Variants in GFPT2 observed in about 807,000 individuals in gnomAD.
GFPT2 encodes glutamine--fructose-6-phosphate aminotransferase [isomerizing] 2.
GFPT2 carries 62 observed loss-of-function variants against 85.6 expected under a neutral mutation model. That is an observed-to-expected ratio of 0.72 (90% CI 0.59 to 0.90). The LOEUF (loss-of-function observed/expected upper bound fraction) is 0.90, where lower values mean the gene tolerates loss of function less well. Among genes scored for constraint, GFPT2 ranks in the 40% least tolerant of loss-of-function variants. The pLI, the probability that GFPT2 is intolerant of heterozygous loss-of-function variation, is 0.00. For synonymous variants in GFPT2, 368 were observed against 344.5 expected (o/e 1.07, Z -0.75); for missense variants, 788 against 893.4 (o/e 0.88, Z 1.50).
rs965333781 is a variant in GFPT2, at chr5:180,323,945, G to A, written c.794+243C>T. ...TAACCCATTCATTTTGTGCAGGCTC[G>A]AAGCACTGTGCCCACCAGTGCATCT... On this transcript the variant is annotated intron_variant, in intron 9 of 18. Coordinates refer to ENST00000253778, the MANE Select transcript of GFPT2 (RefSeq NM_005110.4). This position sits in a 1 kb window ranked among gnomAD's most constrained non-coding sequence, Gnocchi z 4.0. 2.0e-5 allele frequency among the ~76,000 whole-genome samples: 3 copies of A among 152,200 alleles called. No homozygotes were observed. Among genetic ancestry groups the A allele is most frequent in the South Asian group, 2.1e-4 (1 of 4,834 alleles).
Position 180,324,873 on chromosome 5 carries a change from C to G in GFPT2, c.619G>C (p.Gly207Arg). The change falls in exon 8 of 19, where the codon GGA (glycine) becomes CGA (arginine). Residue 207 changes from glycine to arginine, a missense_variant. By Grantham distance (125) the Gly-to-Arg change is moderately radical (BLOSUM62 -2). Transcript: ENST00000253778. ...GAGAGCTTGTATTTGCTCCGGACTCCGATGAGCAGGGGGCTGCCTCTCCTG... is the reference window on the plus strand; with the variant it reads ...GAGAGCTTGTATTTGCTCCGGACTCGGATGAGCAGGGGGCTGCCTCTCCTG... ...ATRRGSPLLI[G>R]VRSKYKLSTE... is the part of the protein sequence containing the mutation. 6.2e-7 allele frequency: 1 copy of G among 1,611,160 alleles called. No individual in the cohort carries two copies. The highest frequency in any genetic ancestry group is 8.5e-7 in the Non-Finnish European group (1 of 1,177,308).
chr5:180,341,603 G>T (rs1187843893), intron 1 of GFPT2, among the ~76,000 whole-genome samples: 1 of 152,076 alleles, frequency 6.6e-6, no homozygotes, highest in South Asian at 2.1e-4. Flanking sequence ...TAAGGTGGGG[G>T]ATTTATATAT....
In GFPT2 at chr5:180,317,547, C is replaced by T. The variant is rs1482950293; in HGVS notation, c.959-489G>A. Among the ~76,000 whole-genome samples, 3 of 145,272 alleles carry T rather than the reference C, an allele frequency of 2.1e-5. 1 individual carries two copies. Among genetic ancestry groups the T allele is most frequent in the African/African-American group, 8.6e-5 (3 of 34,980 alleles). ...GGCCGAGGCGGGCGGATCACGAAGT[C>T]AGGAGATCGAGACCATCCCGGCTAA... On this transcript the variant is annotated intron_variant, in intron 10 of 18. Coordinates refer to ENST00000253778, the MANE Select transcript of GFPT2 (RefSeq NM_005110.4).
intron 13 of GFPT2, among the ~76,000 whole-genome samples, 163 bp downstream of exon 13, chr5:180,316,178 C>T (rs1458594202): frequency 1.3e-5 from 2 of 151,830 alleles, no homozygotes; most frequent in Non-Finnish European, 3.0e-5. Flanking sequence ...CCTCCCCGTA[C>T]AATGGCGACA....
At chr5:180,313,700 GGAAA>G in intron 14 of GFPT2, 103 bp downstream of exon 14, 4 of 900,456 alleles carry the variant, frequency 4.4e-6, no homozygotes, top group African/African-American at 3.5e-5. Context: ...GGCGGGAAGG[GGAAA>G]GAAAGGCGGT....
intron 4 of GFPT2, among the ~76,000 whole-genome samples, chr5:180,334,276 T>C (rs564988668): frequency 6.6e-6 from 1 of 152,328 alleles, no homozygotes; most frequent in South Asian, 2.1e-4. Context: ...GATGGGGCTC[T>C]CCTTCCGTTT....
intron 14 of GFPT2, 88 bp downstream of exon 14, chr5:180,313,719 C>A: frequency 8.6e-7 from 1 of 1,156,584 alleles, no homozygotes; most frequent in African/African-American, 1.6e-5. Flanking sequence ...GGCGGTGGCG[C>A]GGGCAGAGCA....
intron 13 of GFPT2, among the ~76,000 whole-genome samples, chr5:180,315,057 C>T (rs535863696): frequency 6.6e-6 from 1 of 152,184 alleles, no homozygotes; most frequent in East Asian, 1.9e-4. Context: ...CACTTGTCAA[C>T]AAAATGGAAA....
Position 180,330,675 on chromosome 5 carries a change from T to TA in GFPT2, c.534+24dup. The TA allele has an allele frequency of 6.3e-7, 1 of 1,593,348 alleles. No individual in the cohort carries two copies. Among genetic ancestry groups the TA allele is most frequent in the South Asian group, 1.1e-5 (1 of 90,182 alleles). ...TTAATGAAAGAATGAAGGAATGAGT[T>TA]AGACAGATGGGATTTGTAACTCACC... On this transcript the variant is annotated intron_variant, in intron 6 of 18. Transcript: ENST00000253778. This position sits in a 1 kb window ranked among gnomAD's most constrained non-coding sequence, Gnocchi z 4.4.
chr5:180,332,881 G>C (rs181388509), intron 4 of GFPT2, among the ~76,000 whole-genome samples: 5 of 152,188 alleles, frequency 3.3e-5, no homozygotes. Flanking sequence ...TCCAACTCAA[G>C]TTTTCCTTCA....
chr5:180,337,638 TG>T (rs1027146665), intron 2 of GFPT2, among the ~76,000 whole-genome samples: 1 of 152,050 alleles, frequency 6.6e-6, no homozygotes, highest in Non-Finnish European at 1.5e-5. Context: ...CAAAGACTGA[TG>T]GGGGCTCCTT....
rs773309273 is a variant in GFPT2 at position 180,318,767 on chromosome 5, G to A, written c.958+26C>T. ...AGGCGCGCTGGCTCCCGAGGCTGCCGCACGTGGACTCTGGAGGACACCTGC... is the reference window on the plus strand; with the variant it reads ...AGGCGCGCTGGCTCCCGAGGCTGCCACACGTGGACTCTGGAGGACACCTGC... On this transcript the variant is annotated intron_variant, in intron 10 of 18. Transcript: ENST00000253778. This position sits in a 1 kb window ranked among gnomAD's most constrained non-coding sequence, Gnocchi z 4.2. 9 of 1,604,184 alleles carry A rather than the reference G, an allele frequency of 5.6e-6. No homozygotes were observed. In the East Asian group the frequency reaches 6.7e-5, roughly 12 times the overall value.
intron 2 of GFPT2, 40 bp from the exon 3 acceptor site, chr5:180,336,617 T>C: frequency 7.5e-7 from 1 of 1,324,590 alleles, no homozygotes; most frequent in East Asian, 2.3e-5. Context: ...CAACCAAAGC[T>C]TTTTCTCACA....
Position 180,318,904 on chromosome 5 carries a change from C to T in GFPT2, c.847G>A (p.Ala283Thr), listed in dbSNP as rs1053521690. 7.4e-6 allele frequency: 12 copies of T among 1,613,606 alleles called. No homozygotes were observed. Among genetic ancestry groups the T allele is most frequent in the East Asian group, 2.2e-5 (1 of 44,902 alleles). Residue 283 changes from alanine (A) to threonine (T), a missense_variant, in exon 10 of 19, where the codon GCC becomes ACC. Physicochemically the swap from Ala to Thr is moderately conservative, Grantham distance 58. Coordinates refer to ENST00000253778, the MANE Select transcript of GFPT2 (RefSeq NM_005110.4). This position sits in a 1 kb window ranked among gnomAD's most constrained non-coding sequence, Gnocchi z 4.2. ...GAGAGTTTCCCATCAGCCACTGCGG[C>T]GATGTCATCGTCCTCCAGGAAGATG... ...RVIFLEDDDIAAVADGKLSIH... is the reference protein window; with the variant it reads ...RVIFLEDDDITAVADGKLSIH...
intron 18 of GFPT2, 137 bp downstream of exon 18, chr5:180,302,286 C>CAA (rs202124937): frequency 1.2e-3 from 617 of 507,956 alleles, no homozygotes; most frequent in South Asian, 1.5e-3. Flanking sequence ...GACTCAATCT[C>CAA]AAAAAAAAAA....
chr5:180,321,825 C>T (rs1026433760), intron 9 of GFPT2, among the ~76,000 whole-genome samples: 6 of 152,184 alleles, frequency 3.9e-5, no homozygotes, highest in African/African-American at 1.2e-4. Context: ...GCTCTGTTGC[C>T]CAGGCTGGAG....
intron 1 of GFPT2, chr5:180,352,841 C>A (rs1581394547): frequency 2.7e-6 from 1 of 366,136 alleles, no homozygotes; most frequent in Non-Finnish European, 5.0e-6. Flanking sequence ...CCTTTGTGGG[C>A]GACTGGGAGA....
In GFPT2 at chr5:180,330,566, C is replaced by A; in HGVS notation, c.534+134G>T. ...CTCTGCAGATGGGCTGTCTTTTATC[C>A]CCAGGACTCTGTGCAAGTTTGTCTA... On this transcript the variant is annotated intron_variant, in intron 6 of 18. Transcript: ENST00000253778. The surrounding 1 kb of genome is among the most constrained non-coding windows in gnomAD (Gnocchi z 4.4). 2 of 679,396 alleles carry A rather than the reference C, an allele frequency of 2.9e-6. No individual in the cohort carries two copies. Among genetic ancestry groups the A allele is most frequent in the Non-Finnish European group, 2.5e-6 (1 of 396,980 alleles). The allele number at this position is 679,396 out of a possible 1,614,324, so 42.1% of individuals were successfully genotyped here.
intron 4 of GFPT2, among the ~76,000 whole-genome samples, chr5:180,332,003 A>G (rs1047771571): frequency 2.6e-5 from 4 of 152,212 alleles, no homozygotes; most frequent in African/African-American, 9.6e-5. Flanking sequence ...TTTGACCCAC[A>G]CTGTGTTGTA....
Sources: gnomAD v4.1 joint callset for allele counts (sites outside exome capture counted in the v4.1 genomes callset) on GRCh38, gnomAD v4.1.1 for gene constraint, Gnocchi (gnomAD v3.1) non-coding constraint, MANE v1.5 for transcripts, NCBI Gene and HGNC (gene_info 2026-07-23, HGNC 2026-07-21) for gene names.